The following IQSEC1 variants were observed in gnomAD, a reference collection of about 807,000 sequenced individuals.
IQSEC1 encodes IQ motif and Sec7 domain ArfGEF 1.
A neutral mutation model predicts 91.0 loss-of-function variants in IQSEC1; 31 were observed. That is an observed-to-expected ratio of 0.34 (90% CI 0.26 to 0.46). The LOEUF (loss-of-function observed/expected upper bound fraction) is 0.46. IQSEC1 is among the 20% of genes least tolerant of loss of function. The pLI is 1.00. For synonymous variants in IQSEC1, 699 were observed against 662.6 expected, an observed-to-expected ratio of 1.05 and a Z score of -0.84; for missense variants, 1,388 against 1,575.6, an observed-to-expected ratio of 0.88 and a Z score of 2.02.
intron 2 of IQSEC1, among the ~76,000 whole-genome samples, chr3:13,125,333 C>T (rs1208804165): frequency 2.0e-5 from 3 of 152,206 alleles, no homozygotes; most frequent in Non-Finnish European, 1.5e-5. Flanking sequence ...GACCTCCCAC[C>T]CCCACCTCCA....
In IQSEC1 at chr3:12,936,287, G is replaced by A; in HGVS notation, c.729C>T (p.Ala243=). 1.9e-6 allele frequency: 3 copies of A among 1,613,282 alleles called. No individual in the cohort carries two copies. Among genetic ancestry groups the A allele is most frequent in the Non-Finnish European group, 2.5e-6 (3 of 1,179,940 alleles). ...VKSLAESIDD[A]LNCRSLHTEE... The stretch of plus-strand genomic sequence containing the variant: ...CAGTGTGCAGGCTGCGGCAGTTGAG[G>A]GCATCGTCGATGGACTCGGCCAGTG... The change falls in exon 3 of 14, where the codon GCC becomes GCT. Residue 243 remains alanine (A), a synonymous_variant. Transcript: ENST00000613206.
At chr3:13,258,246 GATA>G (rs1378718307) in intron 1 of IQSEC1, among the ~76,000 whole-genome samples, 3 of 152,216 alleles carry the variant, frequency 2.0e-5, no homozygotes, top group African/African-American at 7.2e-5. Context: ...ACTAATGCAA[GATA>G]ATAATGGAGG....
At chr3:13,197,270 T>C (rs1191095279) in intron 1 of IQSEC1, among the ~76,000 whole-genome samples, 1 of 152,136 alleles carries the variant, frequency 6.6e-6, no homozygotes, top group Admixed American at 6.5e-5. Flanking sequence ...AAATCAACAT[T>C]TGCAGCCCCC....
intron 1 of IQSEC1, chr3:13,021,983 G>A (rs377391678): frequency 5.4e-5 from 63 of 1,174,452 alleles, no homozygotes; most frequent in Non-Finnish European, 6.0e-5. Context: ...CAAACCATCC[G>A]GCCCAACAGT....
chr3:13,256,494 T>C (rs1695287827), intron 1 of IQSEC1, among the ~76,000 whole-genome samples: 1 of 152,064 alleles, frequency 6.6e-6, no homozygotes, highest in Non-Finnish European at 1.5e-5. Flanking sequence ...CCCATCCTTA[T>C]CCCCCACCTG....
chr3:12,921,906 C>T (rs969556605), intron 5 of IQSEC1, among the ~76,000 whole-genome samples: 3 of 152,234 alleles, frequency 2.0e-5, no homozygotes, highest in African/African-American at 4.8e-5. Context: ...GTACAGTCTT[C>T]TCCACCCCCA....
intron 2 of IQSEC1, among the ~76,000 whole-genome samples, chr3:13,112,671 G>A (rs192075261): frequency 6.6e-6 from 1 of 152,272 alleles, no homozygotes; most frequent in Non-Finnish European, 1.5e-5. Flanking sequence ...CCGCAGCAGA[G>A]TGTGGGCTGC....
intron 1 of IQSEC1, among the ~76,000 whole-genome samples, chr3:13,271,735 C>T (rs58942530): frequency 0.056 from 8,585 of 152,200 alleles, 793 homozygotes; most frequent in African/African-American, 0.19. Context: ...TTTGAGGTTA[C>T]AGTGAGCTCT....
intron 1 of IQSEC1, among the ~76,000 whole-genome samples, chr3:13,041,215 T>C (rs1342147379): frequency 1.2e-5 from 1 of 83,448 alleles, no homozygotes; most frequent in Admixed American, 1.5e-4. Context: ...TGAACAAGCC[T>C]GGGGGCGGGG....
chr3:13,004,418 G>A (rs1027274551), intron 1 of IQSEC1, among the ~76,000 whole-genome samples: 2 of 152,144 alleles, frequency 1.3e-5, no homozygotes, highest in Non-Finnish European at 2.9e-5. Flanking sequence ...CTGCAGGAGG[G>A]GGAAGCCGAT....
At chr3:13,175,229 G>A (rs1470364089) in intron 1 of IQSEC1, among the ~76,000 whole-genome samples, 1 of 152,160 alleles carries the variant, frequency 6.6e-6, no homozygotes, top group African/African-American at 2.4e-5. Context: ...ACTCTAGAGA[G>A]GTTACTTCAC....
At chr3:13,217,582 G>A (rs1044432125) in intron 1 of IQSEC1, among the ~76,000 whole-genome samples, 12 of 152,246 alleles carry the variant, frequency 7.9e-5, no homozygotes, top group Middle Eastern at 3.4e-3. Flanking sequence ...CTCCACAGCT[G>A]GTCCAGAAGC....
chr3:13,011,900 T>C (rs76537571), intron 1 of IQSEC1, among the ~76,000 whole-genome samples: 9 of 152,218 alleles, frequency 5.9e-5, no homozygotes, highest in South Asian at 2.1e-4. Context: ...ACAGAGGCCA[T>C]TGAGCCTGGC....
chr3:12,919,870 G>A (rs530068094), intron 6 of IQSEC1, among the ~76,000 whole-genome samples: 1 of 152,200 alleles, frequency 6.6e-6, no homozygotes, highest in Non-Finnish European at 1.5e-5. Context: ...AGGATGCCTC[G>A]CTGCCTGTAG....
At chr3:13,057,165 AG>A (rs1704908648) in intron 1 of IQSEC1, among the ~76,000 whole-genome samples, 1 of 152,086 alleles carries the variant, frequency 6.6e-6, no homozygotes, top group African/African-American at 2.4e-5. Flanking sequence ...GCCTTCCCCA[AG>A]CACCACACTC....
intron 2 of IQSEC1, among the ~76,000 whole-genome samples, chr3:13,137,754 T>C (rs1426763288): frequency 6.6e-6 from 1 of 152,176 alleles, no homozygotes; most frequent in African/African-American, 2.4e-5. Context: ...GCGCAGGAGT[T>C]GAAGCCTGCA....
At chr3:13,258,473 G>A (rs1338817610) in intron 1 of IQSEC1, among the ~76,000 whole-genome samples, 2 of 152,132 alleles carry the variant, frequency 1.3e-5, no homozygotes, top group Non-Finnish European at 2.9e-5. Context: ...CTGGAGCCTA[G>A]GAGTTCCAGA....
Position 12,908,091 on chromosome 3 carries a change from G to T in IQSEC1, c.2755+258C>A, listed in dbSNP as rs1235187812. Among the ~76,000 whole-genome samples, 3 of 152,226 alleles carry T rather than the reference G, an allele frequency of 2.0e-5. No homozygotes were observed. The highest frequency in any genetic ancestry group is 2.9e-5 in the Non-Finnish European group (2 of 68,036). ...TAAATAAAACCCCTGGAAGAAGAAA[G>T]GGAAAATGGGGGTGACTTCCCCAGC... On this transcript the variant is annotated intron_variant, in intron 12 of 13. Transcript: ENST00000613206. This position sits in a 1 kb window ranked among gnomAD's most constrained non-coding sequence, Gnocchi z 4.9.
chr3:13,077,095 C>T (rs139411283), upstream of IQSEC1, among the ~76,000 whole-genome samples: 578 of 151,068 alleles, frequency 3.8e-3, 2 homozygotes, highest in African/African-American at 0.013. Flanking sequence ...GTGGCTTTCA[C>T]GGGAGCAACC....
Sources: allele counts gnomAD v4.1 joint callset (sites outside exome capture counted in the v4.1 genomes callset), GRCh38; gene constraint gnomAD v4.1.1; non-coding constraint Gnocchi (gnomAD v3.1); transcripts MANE v1.5; gene names NCBI Gene and HGNC (gene_info 2026-07-23, HGNC 2026-07-21).